Variants in DYNC1LI2 observed in about 807,000 individuals in gnomAD.
DYNC1LI2 encodes the protein cytoplasmic dynein 1 light intermediate chain 2.
DYNC1LI2 carries 19 observed loss-of-function variants against 57.8 expected under a neutral mutation model. That is an observed-to-expected ratio of 0.33 (90% CI 0.23 to 0.48). The LOEUF (loss-of-function observed/expected upper bound fraction) is 0.48, where lower values mean the gene tolerates loss of function less well. Among genes scored for constraint, DYNC1LI2 ranks in the 20% least tolerant of loss-of-function variants. The pLI is 0.99. For synonymous variants in DYNC1LI2, 256 were observed against 233.4 expected, an observed-to-expected ratio of 1.10 and a Z score of -0.88; for missense variants, 470 against 604.2, an observed-to-expected ratio of 0.78 and a Z score of 2.33.
At position 66,751,293 on chromosome 16, in the gene DYNC1LI2, C is replaced by T. The variant is rs142437839; in HGVS notation, c.161G>A (p.Gly54Asp). 2.7e-5 allele frequency: 44 copies of T among 1,612,036 alleles called. No individual in the cohort carries two copies. The highest frequency in any genetic ancestry group is 5.9e-6 in the Non-Finnish European group (7 of 1,179,118). Residue 54 changes from glycine to aspartate, a missense_variant, in exon 2 of 13, where the codon GGC (glycine) becomes GAC (aspartate). By Grantham distance (94) the Gly-to-Asp change is moderately conservative (BLOSUM62 -1). Coordinates refer to ENST00000258198, the MANE Select transcript of DYNC1LI2 (RefSeq NM_006141.3). This position sits in a 1 kb window ranked among gnomAD's most constrained non-coding sequence, Gnocchi z 5.2. ...CTCACCGAAGACCAGGATGTTCTTG[C>T]CGGACGGCAGCTTGGACCTGGCGCG... is the stretch of plus-strand genomic sequence containing the variant. ...STRARSKLPSGKNILVFGEDG... is the reference protein window; with the variant it reads ...STRARSKLPSDKNILVFGEDG...
chr16:66,728,266 C>G (rs746378554), intron 9 of DYNC1LI2, 24 bp from the exon 10 acceptor site: 65 of 1,613,776 alleles, frequency 4.0e-5, no homozygotes, highest in Admixed American at 1.2e-4. Flanking sequence ...GACAAACTGG[C>G]TATTAACCAA....
rs2017451675 is a variant in DYNC1LI2, at chr16:66,721,578, T to C, written c.*2144A>G. 6.6e-6 allele frequency: 1 copy of C among 152,616 alleles called. No individual in the cohort carries two copies. The highest frequency in any genetic ancestry group is 2.1e-4 in the South Asian group (1 of 4,826). 9.5% of individuals were successfully genotyped at this position (152,616 alleles called of 1,614,324 possible). A position where few individuals can be genotyped will look rare whatever the true frequency, so the allele number is the denominator to read the frequency against. ...GAACCCTGCAGCTCCCCAAAGTTGG[T>C]AGACTTTGGCAACCACTGAGCACAT... is the stretch of plus-strand genomic sequence containing the variant. On this transcript the variant is annotated 3_prime_UTR_variant, in exon 13 of 13. Coordinates refer to ENST00000258198, the MANE Select transcript of DYNC1LI2 (RefSeq NM_006141.3).
At chr16:66,730,971 G>C (rs903963702) in intron 7 of DYNC1LI2, 1 of 152,286 alleles carries the variant, frequency 6.6e-6, no homozygotes, top group Non-Finnish European at 1.5e-5. Flanking sequence ...CTGACTGATT[G>C]TTCTCACAGG....
intron 3 of DYNC1LI2, 100 bp downstream of exon 3, chr16:66,749,097 G>A: frequency 8.5e-7 from 1 of 1,177,990 alleles, no homozygotes; most frequent in Admixed American, 1.8e-5. Context: ...GAACCAAACA[G>A]AAAACTGAGA....
chr16:66,740,338 T>A (rs1198222625), intron 4 of DYNC1LI2, among the ~76,000 whole-genome samples: 3 of 152,062 alleles, frequency 2.0e-5, no homozygotes, highest in African/African-American at 7.2e-5. Context: ...CCATATAACA[T>A]CTAGAGTCCA....
chr16:66,742,450 G>C lies in DYNC1LI2; in HGVS notation c.517C>G (p.Leu173Val). The C allele has an allele frequency of 6.2e-7, 1 of 1,613,680 alleles. No individual in the cohort carries two copies. Among genetic ancestry groups the C allele is most frequent in the Non-Finnish European group, 8.5e-7 (1 of 1,179,684 alleles). Residue 173 changes from leucine (L) to valine (V), a missense_variant, in exon 4 of 13, where the codon CTG (leucine) becomes GTG (valine). Coordinates refer to ENST00000258198, the MANE Select transcript of DYNC1LI2 (RefSeq NM_006141.3). ...ATATTTTACTCACACTTCCGTTCCA[G>C]CTCCCTCATTTTTTCTGGTGGAATT... ...MKIPPEKMRE[L>V]ERKFVKDFQD...
chr16:66,738,619 G>A (rs1340854299), intron 4 of DYNC1LI2, among the ~76,000 whole-genome samples: 1 of 151,896 alleles, frequency 6.6e-6, no homozygotes, highest in African/African-American at 2.4e-5. Flanking sequence ...GCTTATGTCT[G>A]TAATCCCAGA....
Position 66,734,317 on chromosome 16 carries a change from G to C in DYNC1LI2, c.700-6C>G, listed in dbSNP as rs1198041169. 1 of 1,613,860 alleles carries C rather than the reference G, an allele frequency of 6.2e-7. No homozygotes were observed. The highest frequency in any genetic ancestry group is 1.7e-5 in the Admixed American group (1 of 59,972). ...AGGACACTCACCGCATCACACTGCA[G>C]GGAAGACAGACAGAGTCACCTTTTT... On this transcript the variant is annotated splice_region_variant and splice_polypyrimidine_tract_variant and intron_variant, in intron 5 of 12. Transcript: ENST00000258198.
Position 66,723,607 on chromosome 16 carries a change from C to G in DYNC1LI2, c.*115G>C. The stretch of plus-strand genomic sequence containing the variant: ...AAGTTTTTTTTTTTTTTTTAAAGTT[C>G]ATCTCCCCTGCCCCAAAAAACTGAT... On this transcript the variant is annotated 3_prime_UTR_variant, in exon 13 of 13. Transcript: ENST00000258198. 1 of 705,234 alleles carries G rather than the reference C, an allele frequency of 1.4e-6. No homozygotes were observed. The allele number at this position is 705,234 out of a possible 1,614,324, so 43.7% of individuals were successfully genotyped here. A position where few individuals can be genotyped will look rare whatever the true frequency, so the allele number is the denominator to read the frequency against.
At chr16:66,728,344 A>G in intron 9 of DYNC1LI2, 102 bp from the exon 10 acceptor site, 1 of 1,338,632 alleles carries the variant, frequency 7.5e-7, no homozygotes, top group Non-Finnish European at 1.1e-6. Context: ...GGGCACTATT[A>G]ACAACAACTA....
intron 11 of DYNC1LI2, among the ~76,000 whole-genome samples, chr16:66,726,612 A>C (rs935950794): frequency 6.6e-6 from 1 of 152,204 alleles, no homozygotes; most frequent in Non-Finnish European, 1.5e-5. Context: ...TCGGCAACGT[A>C]AGTGAGACCC....
chr16:66,737,293 A>G (rs1050534672), intron 4 of DYNC1LI2, among the ~76,000 whole-genome samples: 3 of 151,912 alleles, frequency 2.0e-5, no homozygotes, highest in South Asian at 2.1e-4. Context: ...AAAACAAAAC[A>G]AAAAACAAAA....
intron 8 of DYNC1LI2, 67 bp downstream of exon 8, chr16:66,730,045 T>G (rs2017607512): frequency 7.1e-7 from 1 of 1,409,910 alleles, no homozygotes; most frequent in Non-Finnish European, 9.8e-7. Context: ...CCTCCCAAAG[T>G]GCTGGGATTA....
intron 12 of DYNC1LI2, chr16:66,724,701 G>A (rs549934601): frequency 2.6e-5 from 4 of 152,292 alleles, no homozygotes; most frequent in Non-Finnish European, 4.4e-5. Context: ...TGCCACAGAG[G>A]TGTGTATGTG....
chr16:66,728,406 G>A (rs1412060939), intron 9 of DYNC1LI2, among the ~76,000 whole-genome samples, 164 bp from the exon 10 acceptor site: 1 of 152,086 alleles, frequency 6.6e-6, no homozygotes, highest in Non-Finnish European at 1.5e-5. Context: ...GAGCCGTTTG[G>A]TATATGGTGA....
At chr16:66,726,340 CTG>C (rs1302644455) in intron 11 of DYNC1LI2, among the ~76,000 whole-genome samples, 1 of 152,232 alleles carries the variant, frequency 6.6e-6, no homozygotes, top group Non-Finnish European at 1.5e-5. Context: ...CAGGCAGTAT[CTG>C]TGAGTATCAC....
At chr16:66,749,161 TACACCCCCTTACCA>T (rs751871981) in intron 3 of DYNC1LI2, 22 bp downstream of exon 3, 1 of 1,606,344 alleles carries the variant, frequency 6.2e-7, no homozygotes, top group African/African-American at 1.3e-5. Context: ...GAGTCCTGCA[TACACCCCCTTACCA>T]TGGGACCAAT....
Position 66,723,824 on chromosome 16 carries a change from T to TGAA in DYNC1LI2, c.1379-5_1379-3dup. On this transcript the variant is annotated splice_polypyrimidine_tract_variant and splice_region_variant and intron_variant, in intron 12 of 12. Coordinates refer to ENST00000258198, the MANE Select transcript of DYNC1LI2 (RefSeq NM_006141.3). ...CATTTGACAACACAGTCTTTTGTCC[T>TGAA]GAAAAAAAAAAAAAGCAAAAAAGCA... 1.3e-6 allele frequency: 2 copies of TGAA among 1,537,610 alleles called. No individual in the cohort carries two copies. Among genetic ancestry groups the TGAA allele is most frequent in the Non-Finnish European group, 8.7e-7 (1 of 1,153,312 alleles).
chr16:66,740,832 T>C (rs2017823568), intron 4 of DYNC1LI2, among the ~76,000 whole-genome samples: 5 of 152,250 alleles, frequency 3.3e-5, no homozygotes, highest in Admixed American at 3.3e-4. Context: ...CCCAGGGCTC[T>C]AATTTCCAGT....
Sources: gnomAD v4.1 joint callset for allele counts (sites outside exome capture counted in the v4.1 genomes callset) on GRCh38, gnomAD v4.1.1 for gene constraint, Gnocchi (gnomAD v3.1) non-coding constraint, MANE v1.5 for transcripts, NCBI Gene and HGNC (gene_info 2026-07-23, HGNC 2026-07-21) for gene names.